Variants in DIP2B observed in about 807,000 individuals in gnomAD.
The protein encoded by DIP2B is disco-interacting protein 2 homolog B.
A neutral mutation model predicts 198.0 loss-of-function variants in DIP2B; 76 were observed. The ratio of observed to expected loss-of-function variants is 0.38; its 90% CI spans 0.32 to 0.46. DIP2B has a LOEUF of 0.46. DIP2B is among the 20% of genes least tolerant of loss of function. The probability of loss-of-function intolerance (pLI) is 0.99; values close to 1 mark genes in which losing one functional copy is unlikely to be tolerated. For missense variants in DIP2B, 1,559 were observed against 1,978.4 expected, an observed-to-expected ratio of 0.79 and a Z score of 4.02; for synonymous variants, 701 against 739.1, an observed-to-expected ratio of 0.95 and a Z score of 0.84.
chr12:50,552,614 C>T (rs555574018), intron 1 of DIP2B, among the ~76,000 whole-genome samples: 1 of 152,074 alleles, frequency 6.6e-6, no homozygotes, highest in Non-Finnish European at 1.5e-5. Flanking sequence ...GTTAACTTTT[C>T]TCTCTGTTGA....
chr12:50,540,783 C>T (rs866766668), intron 1 of DIP2B, among the ~76,000 whole-genome samples: 2 of 150,262 alleles, frequency 1.3e-5, no homozygotes, highest in African/African-American at 2.4e-5. Context: ...GTGATCCGCC[C>T]GCCTCGGCCT....
At chr12:50,620,398 A>T (rs746677694) in intron 1 of DIP2B, among the ~76,000 whole-genome samples, 1 of 152,160 alleles carries the variant, frequency 6.6e-6, no homozygotes, top group Non-Finnish European at 1.5e-5. Flanking sequence ...AGCCTCACAC[A>T]TGTGTCTTTC....
In DIP2B at chr12:50,686,607, C is replaced by G; in HGVS notation, c.1476C>G (p.Ser492=). 6.2e-7 allele frequency: 1 copy of G among 1,614,008 alleles called. No individual in the cohort carries two copies. The change falls in exon 12 of 38, where the codon TCC becomes TCG. Residue 492 remains serine, a synonymous_variant. Transcript: ENST00000301180. ...WPRLKWVVTD[S]KYLSKPPKDW... is the part of the protein sequence containing the mutation. ...GGCTCAAATGGGTTGTAACAGATTC[C>G]AAGTACCTTTCAAAGCCACCGAAAG...
At chr12:50,586,758 A>G (rs1186422080) in intron 1 of DIP2B, among the ~76,000 whole-genome samples, 1 of 152,162 alleles carries the variant, frequency 6.6e-6, no homozygotes, top group Non-Finnish European at 1.5e-5. Flanking sequence ...TTTTTAGTAG[A>G]GATGAGGTTT....
intron 1 of DIP2B, among the ~76,000 whole-genome samples, chr12:50,515,431 A>C (rs1427027857): frequency 6.6e-6 from 1 of 151,838 alleles, no homozygotes; most frequent in Non-Finnish European, 1.5e-5. Flanking sequence ...GGGTTTCACC[A>C]TGTTGGTCAG....
At chr12:50,545,209 A>G (rs1958365558) in intron 1 of DIP2B, among the ~76,000 whole-genome samples, 1 of 152,140 alleles carries the variant, frequency 6.6e-6, no homozygotes, top group Non-Finnish European at 1.5e-5. Context: ...CAGTGGTATT[A>G]CCAGTTTTCC....
intron 1 of DIP2B, among the ~76,000 whole-genome samples, chr12:50,533,578 T>G (rs1958237292): frequency 6.6e-6 from 1 of 151,304 alleles, no homozygotes; most frequent in Non-Finnish European, 1.5e-5. Flanking sequence ...TTCTAACCAT[T>G]TTTTAACTGC....
chr12:50,741,708 C>T (rs1271712986), intron 37 of DIP2B, among the ~76,000 whole-genome samples, 169 bp downstream of exon 37: 1 of 152,128 alleles, frequency 6.6e-6, no homozygotes, highest in Non-Finnish European at 1.5e-5. Context: ...CTGCTGTGGC[C>T]AACAAAGCCT....
intron 4 of DIP2B, among the ~76,000 whole-genome samples, chr12:50,661,086 T>C (rs559604981): frequency 6.6e-6 from 1 of 152,038 alleles, no homozygotes; most frequent in East Asian, 1.9e-4. Flanking sequence ...TTTAAAACCT[T>C]AAAAAAAATT....
chr12:50,715,764 T>C (rs1274203369), intron 23 of DIP2B, among the ~76,000 whole-genome samples: 1 of 152,232 alleles, frequency 6.6e-6, no homozygotes, highest in Non-Finnish European at 1.5e-5. Context: ...CTCTTACTTA[T>C]TATCCTCCCA....
chr12:50,630,663 CTTTTTTTTT>C lies in DIP2B; in HGVS notation c.172+4633_172+4641del, dbSNP rs11327858. Among the ~76,000 whole-genome samples the C allele has an allele frequency of 1.1e-4, 8 of 74,586 alleles. No individual in the cohort carries two copies. In the East Asian group the frequency reaches 2.6e-3, roughly 24 times the overall value. 48.9% of individuals were successfully genotyped at this position (74,586 alleles called of 152,430 possible). On this transcript the variant is annotated intron_variant, in intron 2 of 37. Transcript: ENST00000301180. ...TTGATCACCACGAATTCTTTCTTTT[CTTTTTTTTT>C]TTTTTTTTTTTTTTTTGAGACAGAG... is the stretch of plus-strand genomic sequence containing the variant.
chr12:50,635,501 G>A (rs1396244179), intron 2 of DIP2B, among the ~76,000 whole-genome samples: 2 of 152,172 alleles, frequency 1.3e-5, no homozygotes, highest in Non-Finnish European at 2.9e-5. Flanking sequence ...TGTGATTGCT[G>A]CTTGCTGTGC....
At chr12:50,540,779 C>T (rs1252625660) in intron 1 of DIP2B, among the ~76,000 whole-genome samples, 5 of 151,648 alleles carry the variant, frequency 3.3e-5, no homozygotes, top group South Asian at 2.1e-4. Context: ...CCTCGTGATC[C>T]GCCCGCCTCG....
intron 20 of DIP2B, among the ~76,000 whole-genome samples, chr12:50,704,935 G>A (rs751790652): frequency 5.3e-5 from 8 of 151,822 alleles, no homozygotes; most frequent in Non-Finnish European, 1.0e-4. Context: ...GCAACAGAGC[G>A]AGACTTCATT....
intron 1 of DIP2B, among the ~76,000 whole-genome samples, chr12:50,572,882 G>A (rs1272030037): frequency 1.3e-5 from 2 of 152,122 alleles, no homozygotes; most frequent in Admixed American, 6.5e-5. Flanking sequence ...GCTGTGACTC[G>A]CCATGGACAG....
rs755833370 is a variant in DIP2B at position 50,728,560 on chromosome 12, G to T, written c.3523G>T (p.Ala1175Ser). 6.2e-7 allele frequency: 1 copy of T among 1,613,882 alleles called. No individual in the cohort carries two copies. The highest frequency in any genetic ancestry group is 8.5e-7 in the Non-Finnish European group (1 of 1,179,894). ...MLTGVKMSHS[A>S]VNALCRAIKL... Reference sequence around the variant, plus strand: ...CCATACTTTCCAGATGTCCCACTCTGCAGTGAACGCTCTGTGTCGAGCCAT... The same window carrying T: ...CCATACTTTCCAGATGTCCCACTCTTCAGTGAACGCTCTGTGTCGAGCCAT... The change falls in exon 30 of 38, where the codon GCA (alanine) becomes TCA (serine). Residue 1175 changes from alanine (A) to serine (S), a missense_variant. Coordinates refer to ENST00000301180, the MANE Select transcript of DIP2B (RefSeq NM_173602.3).
chr12:50,691,713 T>C (rs1772165827), intron 13 of DIP2B, among the ~76,000 whole-genome samples: 1 of 152,104 alleles, frequency 6.6e-6, no homozygotes, highest in African/African-American at 2.4e-5. Context: ...ATTATATATA[T>C]ATACGCACAC....
intron 1 of DIP2B, among the ~76,000 whole-genome samples, chr12:50,525,336 C>T (rs546689741): frequency 1.4e-4 from 18 of 129,116 alleles, no homozygotes; most frequent in Admixed American, 6.2e-4. Flanking sequence ...CCAGCCTGGG[C>T]GACAGAGCGA....
At chr12:50,595,304 AATTT>A (rs928807181) in intron 1 of DIP2B, among the ~76,000 whole-genome samples, 8 of 152,046 alleles carry the variant, frequency 5.3e-5, no homozygotes, top group African/African-American at 1.7e-4. Flanking sequence ...ATTTTTTAAA[AATTT>A]ATTTATTTAT....
Sources: allele counts gnomAD v4.1 joint callset (sites outside exome capture counted in the v4.1 genomes callset), GRCh38; gene constraint gnomAD v4.1.1; transcripts MANE v1.5; gene names NCBI Gene and HGNC (gene_info 2026-07-23, HGNC 2026-07-21).